ITPR2: variants seen among roughly 807,000 people sequenced by gnomAD.
ITPR2 encodes the protein inositol 1,4,5-trisphosphate receptor type 2.
ITPR2 carries 207 observed loss-of-function variants against 317.1 expected under a neutral mutation model. The observed-to-expected ratio is 0.65, with a 90% confidence interval of 0.58 to 0.73. ITPR2 has a LOEUF of 0.73. Among genes scored for constraint, ITPR2 ranks in the 30% least tolerant of loss-of-function variants. The pLI is 0.00. For missense variants in ITPR2, 2,613 were observed against 3,284.0 expected (o/e 0.80, Z 4.99); for synonymous variants, 1,156 against 1,149.1 (o/e 1.01, Z -0.12).
chr12:26,628,020 C>CA lies in ITPR2; in HGVS notation c.3064+12dup, dbSNP rs1946661041. 2 of 1,592,664 alleles carry CA rather than the reference C, an allele frequency of 1.3e-6. No individual in the cohort carries two copies. Among genetic ancestry groups the CA allele is most frequent in the African/African-American group, 2.7e-5 (2 of 73,782 alleles). On this transcript the variant is annotated intron_variant, in intron 23 of 56. Transcript: ENST00000381340. ...ATAAAATAAAAAGAGTAAATACTGTCACAAAAAGATACCTGATGGTAGTAA... is the reference window on the plus strand; with the variant it reads ...ATAAAATAAAAAGAGTAAATACTGTCAACAAAAAGATACCTGATGGTAGTAA...
At chr12:26,651,701 G>A (rs984302460) in intron 21 of ITPR2, among the ~76,000 whole-genome samples, 1 of 152,192 alleles carries the variant, frequency 6.6e-6, no homozygotes, top group Admixed American at 6.5e-5. Flanking sequence ...TAGTGATACC[G>A]ATGACATTTA....
At chr12:26,507,851 C>CTGTGTGTGTG (rs1565568384) in intron 37 of ITPR2, among the ~76,000 whole-genome samples, 3 of 99,772 alleles carry the variant, frequency 3.0e-5, no homozygotes, top group Non-Finnish European at 4.8e-5. Flanking sequence ...CTCTACTCTT[C>CTGTGTGTGTG]TCTCTCTGTC....
chr12:26,508,552 G>C (rs1396477420), intron 37 of ITPR2, among the ~76,000 whole-genome samples: 1 of 152,038 alleles, frequency 6.6e-6, no homozygotes, highest in Non-Finnish European at 1.5e-5. Context: ...ATAGAGATGA[G>C]AGGTATATTT....
At chr12:26,485,807 C>T (rs979130796) in intron 41 of ITPR2, among the ~76,000 whole-genome samples, 3 of 152,100 alleles carry the variant, frequency 2.0e-5, no homozygotes, top group Admixed American at 6.5e-5. Context: ...AACAATATAA[C>T]CTTACCAGAG....
At chr12:26,347,299 G>A (rs1938340652) in intron 55 of ITPR2, among the ~76,000 whole-genome samples, 1 of 152,182 alleles carries the variant, frequency 6.6e-6, no homozygotes. Context: ...AATTGTCTTG[G>A]TCTTTTTAGC....
intron 37 of ITPR2, among the ~76,000 whole-genome samples, chr12:26,536,939 A>G (rs1184435952): frequency 6.6e-6 from 1 of 152,130 alleles, no homozygotes; most frequent in East Asian, 1.9e-4. Flanking sequence ...ACAATGGGAA[A>G]CCACAGGGAC....
At chr12:26,548,493 C>T (rs917743156) in intron 37 of ITPR2, among the ~76,000 whole-genome samples, 1 of 152,166 alleles carries the variant, frequency 6.6e-6, no homozygotes, top group Non-Finnish European at 1.5e-5. Context: ...GAATTGTATC[C>T]ATTCATGGCC....
intron 1 of ITPR2, among the ~76,000 whole-genome samples, chr12:26,820,541 C>T (rs1215483414): frequency 6.6e-6 from 1 of 152,048 alleles, no homozygotes; most frequent in Non-Finnish European, 1.5e-5. Context: ...GGAAAAGTAA[C>T]ACAGGGTAAA....
chr12:26,795,999 A>AGG (rs35432304), intron 1 of ITPR2, among the ~76,000 whole-genome samples: 73 of 96,550 alleles, frequency 7.6e-4, no homozygotes, highest in African/African-American at 2.1e-3. Context: ...ACAAAAAAAA[A>AGG]GGGGGGGGGG....
rs1457029287 is a variant in ITPR2 at position 26,712,301 on chromosome 12, C to A, written c.856-1033G>T. On this transcript the variant is annotated intron_variant, in intron 8 of 56. Transcript: ENST00000381340. The stretch of plus-strand genomic sequence containing the variant: ...CGTTCTTTTTGCTAGTACTGACCAC[C>A]CTTTGGCTCCTGCTGCAACCACGAA... Among the ~76,000 whole-genome samples, 4 of 152,142 alleles carry A rather than the reference C, an allele frequency of 2.6e-5. No individual in the cohort carries two copies. In the East Asian group the frequency reaches 7.7e-4, roughly 29 times the overall value.
At chr12:26,810,463 G>A (rs531004380) in intron 1 of ITPR2, among the ~76,000 whole-genome samples, 1 of 152,300 alleles carries the variant, frequency 6.6e-6, no homozygotes, top group Admixed American at 6.5e-5. Context: ...GCACAGCCCG[G>A]CTCAGACATT....
chr12:26,589,349 A>C (rs1945625791), intron 32 of ITPR2, among the ~76,000 whole-genome samples: 1 of 152,150 alleles, frequency 6.6e-6, no homozygotes, highest in Non-Finnish European at 1.5e-5. Context: ...AAAAATACTA[A>C]AAAAAGGTGA....
intron 55 of ITPR2, among the ~76,000 whole-genome samples, chr12:26,374,243 C>A (rs1225056833): frequency 6.6e-6 from 1 of 152,144 alleles, no homozygotes; most frequent in Non-Finnish European, 1.5e-5. Flanking sequence ...ATAGGAAGCC[C>A]CTCTGCCTGA....
At chr12:26,475,680 C>A (rs1942401304) in intron 44 of ITPR2, among the ~76,000 whole-genome samples, 1 of 152,046 alleles carries the variant, frequency 6.6e-6, no homozygotes, top group African/African-American at 2.4e-5. Context: ...AATCGAGAAC[C>A]CCAATAAACA....
At chr12:26,548,125 A>G (rs1397703237) in intron 37 of ITPR2, among the ~76,000 whole-genome samples, 1 of 152,230 alleles carries the variant, frequency 6.6e-6, no homozygotes, top group African/African-American at 2.4e-5. Context: ...CTAAAAGAGA[A>G]GCATGAAGTA....
At chr12:26,622,502 T>C in intron 24 of ITPR2, 97 bp from the exon 25 acceptor site, 2 of 963,576 alleles carry the variant, frequency 2.1e-6, no homozygotes, top group Non-Finnish European at 2.9e-6. Context: ...GTATATCATT[T>C]GTTTTACCAA....
chr12:26,707,169 T>C (rs1030104597), intron 9 of ITPR2, among the ~76,000 whole-genome samples: 3 of 152,188 alleles, frequency 2.0e-5, no homozygotes, highest in Non-Finnish European at 2.9e-5. Flanking sequence ...CTCAGCTTCC[T>C]TTGCCGTACC....
At chr12:26,449,826 T>G (rs1053417721) in intron 45 of ITPR2, among the ~76,000 whole-genome samples, 6 of 152,076 alleles carry the variant, frequency 3.9e-5, no homozygotes, top group Non-Finnish European at 7.4e-5. Context: ...CAGAATACTG[T>G]GGTGGGCTGA....
chr12:26,809,485 T>C (rs1473181518), intron 1 of ITPR2, among the ~76,000 whole-genome samples: 1 of 152,232 alleles, frequency 6.6e-6, no homozygotes, highest in African/African-American at 2.4e-5. Context: ...TACCTCACTC[T>C]TCCCTATGAA....
Sources: gnomAD v4.1 joint callset for allele counts (sites outside exome capture counted in the v4.1 genomes callset) on GRCh38, gnomAD v4.1.1 for gene constraint, MANE v1.5 for transcripts, NCBI Gene and HGNC (gene_info 2026-07-23, HGNC 2026-07-21) for gene names.